The following TAFA1 variants were observed in gnomAD, a reference collection of about 807,000 sequenced individuals.
TAFA1 encodes the protein chemokine-like protein TAFA-1.
TAFA1 carries 4 observed loss-of-function variants against 18.5 expected under a neutral mutation model. The observed-to-expected ratio is 0.22, with a 90% CI of 0.11 to 0.49. The LOEUF (loss-of-function observed/expected upper bound fraction) is 0.49, where lower values mean the gene tolerates loss of function less well. Among genes scored for constraint, TAFA1 ranks in the 20% least tolerant of loss-of-function variants. The pLI is 0.98. For missense variants in TAFA1, 147 were observed against 169.0 expected (o/e 0.87, Z 0.72); for synonymous variants, 56 against 55.2 (o/e 1.01, Z -0.06).
intron 2 of TAFA1, among the ~76,000 whole-genome samples, chr3:68,382,864 T>G (rs2070004227): frequency 6.6e-6 from 1 of 152,200 alleles, no homozygotes; most frequent in Non-Finnish European, 1.5e-5. Flanking sequence ...CATTTGTTTG[T>G]GTCATCTCTG....
intron 2 of TAFA1, among the ~76,000 whole-genome samples, chr3:68,354,959 C>T (rs939537902): frequency 1.3e-5 from 2 of 151,964 alleles, no homozygotes; most frequent in East Asian, 3.9e-4. Context: ...TCAGCATGAG[C>T]TTGGAGGGGA....
At chr3:68,037,651 C>T (rs1337904125) in intron 2 of TAFA1, among the ~76,000 whole-genome samples, 1 of 152,112 alleles carries the variant, frequency 6.6e-6, no homozygotes, top group Non-Finnish European at 1.5e-5. Context: ...ATATTTTAAT[C>T]TTTTCCTCTG....
At chr3:68,534,072 T>C (rs776395282) in intron 3 of TAFA1, among the ~76,000 whole-genome samples, 1 of 152,140 alleles carries the variant, frequency 6.6e-6, no homozygotes, top group Non-Finnish European at 1.5e-5. Context: ...AGAGGGCTTA[T>C]AAACAGAAGT....
intron 2 of TAFA1, among the ~76,000 whole-genome samples, chr3:68,159,253 G>A (rs993022178): frequency 6.6e-6 from 1 of 152,086 alleles, no homozygotes; most frequent in Non-Finnish European, 1.5e-5. Context: ...TCCCCTCATC[G>A]CCTGATTAGC....
chr3:68,193,530 G>T (rs2066374658), intron 2 of TAFA1, among the ~76,000 whole-genome samples: 1 of 151,696 alleles, frequency 6.6e-6, no homozygotes, highest in African/African-American at 2.4e-5. Context: ...ATAGTTTCTT[G>T]CATTCTCAAC....
At chr3:68,188,522 T>TAGAGAG (rs56352696) in intron 2 of TAFA1, among the ~76,000 whole-genome samples, 4 of 143,948 alleles carry the variant, frequency 2.8e-5, no homozygotes, top group South Asian at 2.2e-4. Context: ...TATATATATA[T>TAGAGAG]AGAGAGAGAG....
intron 2 of TAFA1, among the ~76,000 whole-genome samples, chr3:68,008,832 C>A (rs976083041): frequency 6.6e-6 from 1 of 152,112 alleles, no homozygotes; most frequent in Admixed American, 6.5e-5. Context: ...TCGGGGCTGG[C>A]CACCTGAGTC....
chr3:68,072,182 C>A (rs1274339342), intron 2 of TAFA1, among the ~76,000 whole-genome samples: 1 of 152,122 alleles, frequency 6.6e-6, no homozygotes, highest in Non-Finnish European at 1.5e-5. Context: ...TGAACTGAGG[C>A]TTACAGGGTG....
chr3:68,068,131 G>T (rs190711326), intron 2 of TAFA1, among the ~76,000 whole-genome samples: 1 of 152,152 alleles, frequency 6.6e-6, no homozygotes, highest in East Asian at 1.9e-4. Flanking sequence ...TAGAGATTAG[G>T]AATTAATACA....
At position 68,432,614 on chromosome 3, in the gene TAFA1, A is replaced by G. The variant is rs1176069306; in HGVS notation, c.259+15194A>G. Among the ~76,000 whole-genome samples, 3 of 151,968 alleles carry G rather than the reference A, an allele frequency of 2.0e-5. No homozygotes were observed. The East Asian group carries it at 5.8e-4, about 29-fold the overall frequency. ...GAGAAACAAAAAGAAGCTGGTCATG[A>G]CATAGAAAAGTCTGTATCCCATCAG... On this transcript the variant is annotated intron_variant, in intron 3 of 4. Transcript: ENST00000478136.
chr3:68,463,936 T>A (rs192942477), intron 3 of TAFA1, among the ~76,000 whole-genome samples: 148 of 152,320 alleles, frequency 9.7e-4, no homozygotes, highest in Admixed American at 3.1e-3. Flanking sequence ...GTGAGCTACA[T>A]GGATTAAAAT....
intron 2 of TAFA1, among the ~76,000 whole-genome samples, chr3:68,366,584 AT>A (rs74716778): frequency 0.11 from 16,501 of 152,248 alleles, 1,121 homozygotes; most frequent in East Asian, 0.23. Flanking sequence ...ATACAAACGT[AT>A]TATCATACCT....
At chr3:68,260,061 G>A (rs1254962981) in intron 2 of TAFA1, among the ~76,000 whole-genome samples, 3 of 152,154 alleles carry the variant, frequency 2.0e-5, no homozygotes, top group Non-Finnish European at 2.9e-5. Context: ...TCAATATGAT[G>A]TTGGCTGTGG....
At chr3:67,998,683 C>T in the TAFA1 span, among the ~76,000 whole-genome samples, 5 of 152,200 alleles carry the variant, frequency 3.3e-5, no homozygotes, top group African/African-American at 1.2e-4. Context: ...CAGCCATTGG[C>T]AGCCATGTTT....
chr3:68,190,746 G>A (rs2066327414), intron 2 of TAFA1, among the ~76,000 whole-genome samples: 1 of 151,812 alleles, frequency 6.6e-6, no homozygotes, highest in Non-Finnish European at 1.5e-5. Context: ...AATACACCAT[G>A]TGGGCTGTTA....
intron 2 of TAFA1, among the ~76,000 whole-genome samples, chr3:68,289,977 T>C (rs998414692): frequency 1.3e-4 from 20 of 152,214 alleles, no homozygotes; most frequent in Admixed American, 8.5e-4. Context: ...CCCAGGTGCC[T>C]TGACTCTTAT....
chr3:68,252,990 T>C (rs1042445232), intron 2 of TAFA1, among the ~76,000 whole-genome samples: 8 of 152,300 alleles, frequency 5.3e-5, no homozygotes, highest in Middle Eastern at 3.4e-3. Context: ...TGTGTCTTTG[T>C]TCTTCCTTCA....
intron 2 of TAFA1, among the ~76,000 whole-genome samples, chr3:68,268,558 AAGG>A: frequency 6.6e-6 from 1 of 152,114 alleles, no homozygotes; most frequent in African/African-American, 2.4e-5. Context: ...AAATATGGTG[AAGG>A]AAATGAAAGG....
rs139973314 is a variant in TAFA1 at position 68,477,671 on chromosome 3, T to C, written c.259+60251T>C. Among the ~76,000 whole-genome samples, 446 of 152,182 alleles carry C rather than the reference T, an allele frequency of 2.9e-3. 1 individual carries two copies. The highest frequency in any genetic ancestry group is 5.5e-3 in the Non-Finnish European group (375 of 67,982). On this transcript the variant is annotated intron_variant, in intron 3 of 4. Coordinates refer to ENST00000478136, the MANE Select transcript of TAFA1 (RefSeq NM_213609.4). The stretch of plus-strand genomic sequence containing the variant: ...GCTGGGATTACAGGCGTAAACAGTG[T>C]TCTTATAGACATTCTTTATGTATCT...
Sources: gnomAD v4.1 joint callset for allele counts (sites outside exome capture counted in the v4.1 genomes callset) on GRCh38, gnomAD v4.1.1 for gene constraint, MANE v1.5 for transcripts, NCBI Gene and HGNC (gene_info 2026-07-23, HGNC 2026-07-21) for gene names.